The following RP1 variants were observed in gnomAD, a reference collection of about 807,000 sequenced individuals.
RP1 encodes oxygen-regulated protein 1.
In RP1, 16 loss-of-function variants were observed where a neutral mutation model predicts 14.8. The ratio of observed to expected loss-of-function variants is 1.08; its 90% CI spans 0.73 to 1.65. RP1 has a LOEUF of 1.65. Among genes scored for constraint, RP1 ranks in the 40% most tolerant of loss-of-function variants. RP1 has a pLI of 0.00. For synonymous variants in RP1, 876 were observed against 883.6 expected (o/e 0.99, Z 0.15); for missense variants, 2,631 against 2,535.0 (o/e 1.04, Z -0.81).
At chr8:54,820,151 G>A (rs547426782) in intron 24 of RP1, among the ~76,000 whole-genome samples, 1 of 152,076 alleles carries the variant, frequency 6.6e-6, no homozygotes, top group South Asian at 2.1e-4. Flanking sequence ...TATTGTGGCT[G>A]AGCTGGTACC....
chr8:54,697,207 GAGA>G lies in RP1; in HGVS notation c.1718-2256_1718-2254del, dbSNP rs199654233. 3.2e-3 allele frequency: 2,189 copies of G among 692,860 alleles called. 41 individuals are homozygous for G. The African/African-American group carries it at 0.035, about 11-fold the overall frequency. 42.9% of individuals were successfully genotyped at this position (692,860 alleles called of 1,614,324 possible). Reference sequence around the variant, plus strand: ...CTTTTTTTGGGGGAATTTTTATCCAGAGAAGATTATTTCCTGCGTTATCTTCAA... The same window carrying G: ...CTTTTTTTGGGGGAATTTTTATCCAGAGATTATTTCCTGCGTTATCTTCAA... On this transcript the variant is annotated intron_variant, in intron 12 of 22. Transcript: ENST00000636932.
At chr8:54,731,925 C>G (rs1197022944) in intron 17 of RP1, among the ~76,000 whole-genome samples, 1 of 152,146 alleles carries the variant, frequency 6.6e-6, no homozygotes, top group Non-Finnish European at 1.5e-5. Flanking sequence ...TACAGTTCAC[C>G]CTGTTTCAGA....
At chr8:54,678,575 A>C (rs549361743) in intron 9 of RP1, 1 of 1,494,762 alleles carries the variant, frequency 6.7e-7, no homozygotes, top group African/African-American at 1.4e-5. Flanking sequence ...AATCCATTTC[A>C]TGTTAGTTCC....
chr8:54,748,015 GCTTTTT>G (rs1809270239), intron 19 of RP1, among the ~76,000 whole-genome samples: 3 of 152,212 alleles, frequency 2.0e-5, no homozygotes, highest in Admixed American at 6.5e-5. Flanking sequence ...TTCTCTTGAA[GCTTTTT>G]GATTCTTCTA....
Position 54,621,135 on chromosome 8 carries a change from C to T in RP1, c.169C>T (p.Pro57Ser). ...QFGGVRVVVN[P>S]RSFKSFDALL... ...CGGCGGGGTCAGGGTGGTGGTCAAC[C>T]CTCGCTCCTTTAAGTCCTTTGATGC... Residue 57 changes from proline to serine, a missense_variant, in exon 2 of 4, where the codon CCT becomes TCT. Coordinates refer to ENST00000220676, the MANE Select transcript of RP1 (RefSeq NM_006269.2). The T allele has an allele frequency of 6.2e-7, 1 of 1,614,150 alleles. No individual in the cohort carries two copies. Among genetic ancestry groups the T allele is most frequent in the Non-Finnish European group, 8.5e-7 (1 of 1,180,018 alleles).
chr8:54,568,694 T>A (rs1192938785), intron 1 of RP1, among the ~76,000 whole-genome samples: 1 of 152,220 alleles, frequency 6.6e-6, no homozygotes, highest in Admixed American at 6.5e-5. Flanking sequence ...GCTTTCAAGT[T>A]CCCTAGTATG....
intron 21 of RP1, among the ~76,000 whole-genome samples, chr8:54,757,268 G>A (rs182586843): frequency 8.5e-4 from 129 of 152,240 alleles, no homozygotes; most frequent in African/African-American, 2.4e-3. Context: ...GTCCTGGCAC[G>A]ATAATAAAAC....
chr8:54,672,889 T>G (rs1057303365), intron 7 of RP1, among the ~76,000 whole-genome samples: 3 of 152,202 alleles, frequency 2.0e-5, no homozygotes, highest in Admixed American at 2.0e-4. Flanking sequence ...CTATATTGAT[T>G]ATTATAAATA....
intron 19 of RP1, among the ~76,000 whole-genome samples, chr8:54,741,035 T>TC (rs1358914915): frequency 3.2e-4 from 45 of 142,448 alleles, no homozygotes; most frequent in Non-Finnish European, 2.3e-4. Context: ...AGACTTTGTC[T>TC]CAAAAAAAAA....
intron 16 of RP1, chr8:54,720,328 T>G (rs1220606235): frequency 1.3e-6 from 2 of 1,526,240 alleles, no homozygotes; most frequent in Non-Finnish European, 1.8e-6. Flanking sequence ...CTGAAATGCT[T>G]TGATTTTTGG....
intron 1 of RP1, among the ~76,000 whole-genome samples, chr8:54,606,139 G>A (rs1805435834): frequency 1.3e-5 from 2 of 152,108 alleles, no homozygotes; most frequent in South Asian, 4.1e-4. Flanking sequence ...TCCTAACTTT[G>A]ATGGTCCTTA....
chr8:54,759,031 T>A, exon 22 of RP1: 9 of 1,535,648 alleles, frequency 5.9e-6, no homozygotes, highest in Non-Finnish European at 7.8e-6. Context: ...CAAGTCATAG[T>A]CAGAGAGCCC....
chr8:54,706,166 C>T (rs756558201), intron 14 of RP1, among the ~76,000 whole-genome samples: 18 of 151,976 alleles, frequency 1.2e-4, no homozygotes, highest in Non-Finnish European at 2.4e-4. Context: ...ATAGTAAATT[C>T]CTTAAGAGAA....
At chr8:54,730,305 C>T (rs1007575611) in intron 17 of RP1, among the ~76,000 whole-genome samples, 1 of 151,898 alleles carries the variant, frequency 6.6e-6, no homozygotes, top group Non-Finnish European at 1.5e-5. Flanking sequence ...TATAAATATA[C>T]CAAAAGTGGA....
chr8:54,643,805 A>G (rs921538929), intron 3 of RP1, among the ~76,000 whole-genome samples: 2 of 152,056 alleles, frequency 1.3e-5, no homozygotes, highest in Non-Finnish European at 2.9e-5. Context: ...GCCTGACTCC[A>G]TCTTTGTGTA....
rs1485267331 is a variant in RP1 at position 54,627,249 on chromosome 8, A to G, written c.3367A>G (p.Asn1123Asp). 1 of 1,614,072 alleles carries G rather than the reference A, an allele frequency of 6.2e-7. No homozygotes were observed. The highest frequency in any genetic ancestry group is 1.1e-5 in the South Asian group (1 of 91,076). The change falls in exon 4 of 4, where the codon AAT becomes GAT. Residue 1123 changes from asparagine to aspartate, a missense_variant. Physicochemically the swap from Asn to Asp is conservative, Grantham distance 23 (BLOSUM62 1). Coordinates refer to ENST00000220676, the MANE Select transcript of RP1 (RefSeq NM_006269.2). ...TGTTCCCTTTCATTCTGCAATATGT[A>G]ATTCATCCACTAATCTCCTTCTAGC... ...AGVPFHSAIC[N>D]SSTNLLLAWL...
chr8:54,701,411 A>G, intron 13 of RP1: 1 of 1,253,692 alleles, frequency 8.0e-7, no homozygotes. Context: ...ACACCTGTAT[A>G]TGTATATAAT....
intron 25 of RP1, among the ~76,000 whole-genome samples, chr8:54,839,311 G>A (rs1811737934): frequency 6.6e-6 from 1 of 152,118 alleles, no homozygotes; most frequent in Non-Finnish European, 1.5e-5. Flanking sequence ...TCCATTAGGT[G>A]TTTACCATCC....
intron 6 of RP1, among the ~76,000 whole-genome samples, chr8:54,662,955 G>A (rs1044989616): frequency 4.6e-5 from 7 of 152,074 alleles, no homozygotes; most frequent in Admixed American, 2.0e-4. Flanking sequence ...AGTAGTCCCC[G>A]CTTATCCATG....
Sources: allele counts gnomAD v4.1 joint callset (sites outside exome capture counted in the v4.1 genomes callset), GRCh38; gene constraint gnomAD v4.1.1; transcripts MANE v1.5; gene names NCBI Gene and HGNC (gene_info 2026-07-23, HGNC 2026-07-21).